DIAPH2: variants seen among roughly 807,000 people sequenced by gnomAD.
DIAPH2 encodes the protein protein diaphanous homolog 2.
Under a neutral mutation model 92.7 loss-of-function variants are expected in DIAPH2, and 35 were observed. The ratio of observed to expected loss-of-function variants is 0.38; its 90% CI spans 0.29 to 0.50. The LOEUF (loss-of-function observed/expected upper bound fraction) is 0.50, where lower values mean the gene tolerates loss of function less well. DIAPH2 is among the 20% of genes least tolerant of loss of function. DIAPH2 has a pLI of 0.94. For synonymous variants in DIAPH2, 301 were observed against 280.4 expected, an observed-to-expected ratio of 1.07 and a Z score of -0.73; for missense variants, 701 against 819.5, an observed-to-expected ratio of 0.86 and a Z score of 1.77.
chrX:97,272,731 C>A (rs1206594754), intron 23 of DIAPH2, among the ~76,000 whole-genome samples: 1 of 111,736 alleles, frequency 8.9e-6, no homozygotes, highest in Non-Finnish European at 1.9e-5. Context: ...TTCAAATAGA[C>A]CAGATAATTT....
intron 22 of DIAPH2, among the ~76,000 whole-genome samples, chrX:97,167,576 A>C (rs1468464113): frequency 8.9e-6 from 1 of 111,733 alleles, no homozygotes; most frequent in East Asian, 2.8e-4. Context: ...GCTTTCATAG[A>C]CCACACATTG....
intron 24 of DIAPH2, among the ~76,000 whole-genome samples, chrX:97,354,065 T>A (rs1356297972): frequency 9.0e-6 from 1 of 110,863 alleles, no homozygotes; most frequent in Non-Finnish European, 1.9e-5. Context: ...TCCTCCTGCC[T>A]CAACCTCCCA....
intron 23 of DIAPH2, among the ~76,000 whole-genome samples, chrX:97,284,465 C>T (rs1010114636): frequency 9.1e-6 from 1 of 110,066 alleles, no homozygotes; most frequent in African/African-American, 3.3e-5. Flanking sequence ...ACAAAATTAG[C>T]CGAGCATAGT....
intron 16 of DIAPH2, among the ~76,000 whole-genome samples, chrX:96,959,692 C>T (rs2065834710): frequency 9.0e-6 from 1 of 111,480 alleles, no homozygotes; most frequent in Non-Finnish European, 1.9e-5. Context: ...AAATCTTTGC[C>T]TATATTAGTG....
intron 26 of DIAPH2, among the ~76,000 whole-genome samples, chrX:97,564,960 G>A (rs62594827): frequency 0.099 from 11,056 of 111,659 alleles, 576 homozygotes; most frequent in Non-Finnish European, 0.15. Flanking sequence ...CATGAATTTG[G>A]TATTCTTCAT....
intron 4 of DIAPH2, among the ~76,000 whole-genome samples, chrX:96,765,037 C>G (rs1272927002): frequency 9.0e-6 from 1 of 110,875 alleles, no homozygotes; most frequent in African/African-American, 3.3e-5. Flanking sequence ...AAGCAGTCTC[C>G]TTGTCTTCAG....
At chrX:97,464,837 T>G (rs2070495498) in intron 26 of DIAPH2, among the ~76,000 whole-genome samples, 1 of 111,447 alleles carries the variant, frequency 9.0e-6, no homozygotes, top group Non-Finnish European at 1.9e-5. Context: ...ATATGTATGT[T>G]TTTGTTGTTG....
chrX:96,815,613 A>G lies in DIAPH2; in HGVS notation c.447+57355A>G, dbSNP rs778695454. Reference sequence around the variant, plus strand: ...GAAATCACTGTCCTCTGTGTCGATCATGCTGGGAGCTGCAGACCGGAGCTG... The same window carrying G: ...GAAATCACTGTCCTCTGTGTCGATCGTGCTGGGAGCTGCAGACCGGAGCTG... On this transcript the variant is annotated intron_variant, in intron 4 of 26. Transcript: ENST00000324765. Among the ~76,000 whole-genome samples the G allele has an allele frequency of 4.6e-4, 51 of 111,848 alleles. 1 individual carries two copies. Among genetic ancestry groups the G allele is most frequent in the Non-Finnish European group, 9.4e-5 (5 of 53,066 alleles).
chrX:96,756,715 A>G (rs1198147996), intron 3 of DIAPH2, among the ~76,000 whole-genome samples: 6 of 110,964 alleles, frequency 5.4e-5, no homozygotes, highest in African/African-American at 2.0e-4. Context: ...AAGTGGTTGT[A>G]TCATTTCTCT....
At chrX:96,945,734 A>AT (rs2065734622) in intron 14 of DIAPH2, 143 bp downstream of exon 14, 2 of 385,375 alleles carry the variant, frequency 5.2e-6, no homozygotes, top group Admixed American at 6.1e-5. Context: ...TAGCCGTGGA[A>AT]TATTGATTTA....
At chrX:97,582,299 C>T (rs2071445731) in intron 26 of DIAPH2, among the ~76,000 whole-genome samples, 1 of 59,302 alleles carries the variant, frequency 1.7e-5, no homozygotes, top group East Asian at 5.6e-4. Flanking sequence ...GATTTTGCAG[C>T]GGCTGGTACC....
chrX:97,206,267 C>A (rs932780927), intron 22 of DIAPH2, among the ~76,000 whole-genome samples: 2 of 111,250 alleles, frequency 1.8e-5, no homozygotes, highest in Non-Finnish European at 3.8e-5. Context: ...CACATGTATA[C>A]CTATGTGACA....
chrX:96,852,050 T>C (rs1361036566), intron 4 of DIAPH2, among the ~76,000 whole-genome samples: 1 of 112,373 alleles, frequency 8.9e-6, no homozygotes, highest in Non-Finnish European at 1.9e-5. Flanking sequence ...ATTACCTCTC[T>C]GGAAAAGCTC....
At chrX:96,812,958 G>T (rs776953103) in intron 4 of DIAPH2, among the ~76,000 whole-genome samples, 1 of 111,558 alleles carries the variant, frequency 9.0e-6, no homozygotes. Flanking sequence ...GTCAATTTTG[G>T]AATAAGTGTG....
chrX:97,132,696 A>G (rs1232154521), intron 21 of DIAPH2, among the ~76,000 whole-genome samples: 1 of 112,063 alleles, frequency 8.9e-6, no homozygotes, highest in East Asian at 2.8e-4. Flanking sequence ...ATACAAATAT[A>G]ATAGGGAAAA....
intron 26 of DIAPH2, among the ~76,000 whole-genome samples, chrX:97,511,387 A>C (rs1206108111): frequency 1.0e-5 from 1 of 96,366 alleles, no homozygotes; most frequent in East Asian, 3.5e-4. Context: ...GAAGTTGTTT[A>C]TCAGCTTGAG....
intron 4 of DIAPH2, among the ~76,000 whole-genome samples, chrX:96,851,459 C>T (rs1370119794): frequency 9.0e-6 from 1 of 111,657 alleles, no homozygotes; most frequent in East Asian, 2.8e-4. Context: ...GAATTGGTTC[C>T]AGAACCACCC....
At chrX:97,174,079 TTATAA>T (rs61309304) in intron 22 of DIAPH2, among the ~76,000 whole-genome samples, 43,831 of 105,055 alleles carry the variant, frequency 0.42, 8,439 homozygotes, top group Non-Finnish European at 0.59. Flanking sequence ...TATTATATAA[TTATAA>T]TATATAAAAT....
intron 26 of DIAPH2, among the ~76,000 whole-genome samples, chrX:97,585,200 A>G (rs949767812): frequency 9.0e-6 from 1 of 110,573 alleles, no homozygotes; most frequent in Non-Finnish European, 1.9e-5. Context: ...TGAAAACACA[A>G]AACTGTAAAT....
Sources: allele counts gnomAD v4.1 joint callset (sites outside exome capture counted in the v4.1 genomes callset), GRCh38; gene constraint gnomAD v4.1.1; transcripts MANE v1.5; gene names NCBI Gene and HGNC (gene_info 2026-07-23, HGNC 2026-07-21).